The following TGFBRAP1 variants were observed in gnomAD, a reference collection of about 807,000 sequenced individuals.
TGFBRAP1 encodes transforming growth factor-beta receptor-associated protein 1.
In TGFBRAP1, 20 loss-of-function variants were observed where a neutral mutation model predicts 83.2. The observed-to-expected ratio is 0.24, with a 90% confidence interval of 0.17 to 0.35. The LOEUF is 0.35. Ranked by LOEUF, TGFBRAP1 falls within the 10% of genes least tolerant of loss-of-function variation. The pLI, the probability that TGFBRAP1 is intolerant of heterozygous loss-of-function variation, is 1.00. For synonymous variants in TGFBRAP1, 415 were observed against 459.8 expected (o/e 0.90, Z 1.25); for missense variants, 950 against 1,099.4 (o/e 0.86, Z 1.92).
chr2:105,258,713 C>T, the TGFBRAP1 span, among the ~76,000 whole-genome samples: 1 of 147,636 alleles, frequency 6.8e-6, no homozygotes, highest in Non-Finnish European at 1.5e-5. Flanking sequence ...ATCACACGCC[C>T]TTTCTCTCCC....
chr2:105,309,331 T>C (rs929185014), intron 1 of TGFBRAP1, among the ~76,000 whole-genome samples: 3 of 152,180 alleles, frequency 2.0e-5, no homozygotes, highest in Admixed American at 1.3e-4. Context: ...TGGGCTTGCG[T>C]CAGCACTGCT....
At chr2:105,322,251 G>A (rs1389369131) in intron 1 of TGFBRAP1, among the ~76,000 whole-genome samples, 3 of 151,958 alleles carry the variant, frequency 2.0e-5, no homozygotes, top group African/African-American at 7.2e-5. Flanking sequence ...TATACAACAT[G>A]TTTTCAGCTA....
At chr2:105,298,953 T>A (rs1678186583) in intron 2 of TGFBRAP1, among the ~76,000 whole-genome samples, 1 of 152,168 alleles carries the variant, frequency 6.6e-6, no homozygotes, top group Non-Finnish European at 1.5e-5. Context: ...AAAATGAAGT[T>A]GTAATAATAT....
intron 4 of TGFBRAP1, among the ~76,000 whole-genome samples, chr2:105,294,328 G>A (rs1388303026): frequency 6.6e-6 from 1 of 151,722 alleles, no homozygotes; most frequent in South Asian, 2.1e-4. Flanking sequence ...GTGTGTGTGT[G>A]TGTGTGTGTA....
downstream of TGFBRAP1, among the ~76,000 whole-genome samples, chr2:105,260,772 T>TA (rs201234180): frequency 6.4e-3 from 976 of 152,042 alleles, 10 homozygotes; most frequent in African/African-American, 0.02. Context: ...TTTACCACAA[T>TA]AAAAAAAATA....
rs964068760 is a variant in TGFBRAP1 at position 105,280,387 on chromosome 2, G to A, written c.1458C>T (p.His486=). ...ATCAGGAAGGGAACACTCACTTTTT[G>A]TGCTTCTCTAGCCAGGCAGCACTGT... ...LTDSAAWLEK[H]KKYFALGLLY... Residue 486 remains histidine, a synonymous_variant, in exon 6 of 12, where the codon CAC becomes CAT. Coordinates refer to ENST00000393359, the MANE Select transcript of TGFBRAP1 (RefSeq NM_004257.6). 15 of 1,611,930 alleles carry A rather than the reference G, an allele frequency of 9.3e-6. No homozygotes were observed. Among genetic ancestry groups the A allele is most frequent in the East Asian group, 4.5e-5 (2 of 44,854 alleles).
At chr2:105,303,994 T>C (rs143723712) in intron 2 of TGFBRAP1, among the ~76,000 whole-genome samples, 1 of 152,282 alleles carries the variant, frequency 6.6e-6, no homozygotes, top group East Asian at 1.9e-4. Flanking sequence ...AATTGCAATG[T>C]ATGGGCCTTG....
the TGFBRAP1 span, among the ~76,000 whole-genome samples, chr2:105,257,494 A>G: frequency 1.3e-5 from 2 of 152,174 alleles, no homozygotes; most frequent in Non-Finnish European, 2.9e-5. Context: ...GGTGTCTCAT[A>G]GAAGTGGAAT....
chr2:105,318,800 G>A (rs1272834733), intron 1 of TGFBRAP1, among the ~76,000 whole-genome samples: 1 of 152,154 alleles, frequency 6.6e-6, no homozygotes, highest in African/African-American at 2.4e-5. Context: ...ATGGCTCAGG[G>A]GGCGAACACC....
chr2:105,255,167 A>G, the TGFBRAP1 span, among the ~76,000 whole-genome samples: 14 of 152,272 alleles, frequency 9.2e-5, no homozygotes, highest in African/African-American at 3.4e-4. Context: ...CAGTGGCCTA[A>G]TCAAAAAGAT....
intron 2 of TGFBRAP1, among the ~76,000 whole-genome samples, chr2:105,306,068 G>GTTTTTTTT (rs1553406584): frequency 1.7e-5 from 2 of 118,662 alleles, no homozygotes; most frequent in African/African-American, 7.5e-5. Flanking sequence ...TTTGTTTTTT[G>GTTTTTTTT]TTTTTTTTTT....
the TGFBRAP1 span, among the ~76,000 whole-genome samples, chr2:105,258,609 C>T: frequency 6.6e-6 from 1 of 152,020 alleles, no homozygotes; most frequent in South Asian, 2.1e-4. Context: ...TGTCACAGGT[C>T]TTCCTGGGTC....
chr2:105,292,742 A>C (rs1209052259), intron 4 of TGFBRAP1, among the ~76,000 whole-genome samples: 1 of 152,160 alleles, frequency 6.6e-6, no homozygotes, highest in Non-Finnish European at 1.5e-5. Flanking sequence ...AGAGTGAAGG[A>C]GAGAAACTGA....
chr2:105,313,518 T>C (rs1194578971), intron 1 of TGFBRAP1, among the ~76,000 whole-genome samples: 2 of 152,212 alleles, frequency 1.3e-5, no homozygotes, highest in Non-Finnish European at 2.9e-5. Context: ...ACATAATAAA[T>C]GTTTCTAAGG....
At chr2:105,256,937 C>T in the TGFBRAP1 span, among the ~76,000 whole-genome samples, 1 of 152,216 alleles carries the variant, frequency 6.6e-6, no homozygotes, top group Admixed American at 6.5e-5. Context: ...TGCTACACCC[C>T]CGCCAGTGCC....
At chr2:105,306,329 T>C (rs111341926) in intron 2 of TGFBRAP1, among the ~76,000 whole-genome samples, 7,355 of 152,236 alleles carry the variant, frequency 0.048, 212 homozygotes, top group African/African-American at 0.076. Flanking sequence ...CCCAAAGTGC[T>C]GGGATTATAG....
chr2:105,262,473 C>A (rs542258947), downstream of TGFBRAP1, among the ~76,000 whole-genome samples: 1 of 152,294 alleles, frequency 6.6e-6, no homozygotes, highest in Admixed American at 6.5e-5. Flanking sequence ...GCCAGCACCA[C>A]GCTTCCTGTA....
intron 10 of TGFBRAP1, among the ~76,000 whole-genome samples, chr2:105,270,894 G>A (rs1029585055): frequency 3.3e-5 from 5 of 152,182 alleles, no homozygotes; most frequent in African/African-American, 4.8e-5. Context: ...CAGCCACCCC[G>A]AGTGGATAGG....
At chr2:105,270,520 T>A (rs1303005750) in intron 10 of TGFBRAP1, among the ~76,000 whole-genome samples, 1 of 152,230 alleles carries the variant, frequency 6.6e-6, no homozygotes, top group Non-Finnish European at 1.5e-5. Flanking sequence ...TTTTACATCC[T>A]CAAGAGATTA....
Sources: gnomAD v4.1 joint callset for allele counts (sites outside exome capture counted in the v4.1 genomes callset) on GRCh38, gnomAD v4.1.1 for gene constraint, MANE v1.5 for transcripts, NCBI Gene and HGNC (gene_info 2026-07-23, HGNC 2026-07-21) for gene names.